COL4A1: variants seen among roughly 807,000 people sequenced by gnomAD.
COL4A1 encodes collagen type IV alpha 1 chain.
A neutral mutation model predicts 216.6 loss-of-function variants in COL4A1; 40 were observed. The ratio of observed to expected loss-of-function variants is 0.18; its 90% CI spans 0.14 to 0.24. The LOEUF (loss-of-function observed/expected upper bound fraction) is 0.24, where lower values mean the gene tolerates loss of function less well. Ranked by LOEUF, COL4A1 falls within the 10% of genes least tolerant of loss-of-function variation. The pLI is 1.00. For missense variants in COL4A1, 1,628 were observed against 2,196.8 expected (o/e 0.74, Z 5.18); for synonymous variants, 839 against 810.7 (o/e 1.03, Z -0.59).
rs532513106 is a variant in COL4A1, at chr13:110,170,520, C to A, written c.3742+27G>T. ...TTGTGAATTCTGTCCCAGTCCTCAG[C>A]CCTGGCCCCTGGCGAGATGCCCTTA... On this transcript the variant is annotated intron_variant, in intron 42 of 51. Coordinates refer to ENST00000375820, the MANE Select transcript of COL4A1 (RefSeq NM_001845.6). 3.2e-6 allele frequency: 5 copies of A among 1,576,194 alleles called. No individual in the cohort carries two copies. The East Asian group carries it at 1.2e-4, about 36-fold the overall frequency.
chr13:110,205,036 G>A (rs1297321050), intron 17 of COL4A1, among the ~76,000 whole-genome samples: 1 of 151,970 alleles, frequency 6.6e-6, no homozygotes, highest in Non-Finnish European at 1.5e-5. Flanking sequence ...TTCTGAACAG[G>A]TAACAGAAAA....
chr13:110,296,212 G>A (rs1008023911), intron 1 of COL4A1, among the ~76,000 whole-genome samples: 1 of 152,216 alleles, frequency 6.6e-6, no homozygotes, highest in Non-Finnish European at 1.5e-5. Flanking sequence ...CCACGGCAAC[G>A]TGCCTTGTTT....
intron 40 of COL4A1, 105 bp from the exon 41 acceptor site, chr13:110,172,875 G>A (rs904713427): frequency 2.2e-6 from 2 of 902,858 alleles, no homozygotes; most frequent in Admixed American, 1.7e-5. Context: ...CGTATATTGT[G>A]GAGTACATAG....
intron 28 of COL4A1, among the ~76,000 whole-genome samples, chr13:110,182,311 G>T (rs545678205): frequency 2.9e-4 from 44 of 152,292 alleles, no homozygotes; most frequent in African/African-American, 1.0e-3. Context: ...TGGAGCCTCT[G>T]GGTAAGAAGC....
intron 1 of COL4A1, chr13:110,265,639 C>T (rs1438673931): frequency 6.6e-6 from 1 of 152,252 alleles, no homozygotes; most frequent in African/African-American, 2.4e-5. Context: ...GCATGCCAGT[C>T]CTGGCTTTCA....
chr13:110,260,943 A>G (rs1319725881), intron 1 of COL4A1, among the ~76,000 whole-genome samples: 1 of 143,868 alleles, frequency 7.0e-6, no homozygotes, highest in East Asian at 2.2e-4. Flanking sequence ...AGGCTGAGGC[A>G]GGAGAATGGC....
chr13:110,299,461 A>C (rs1404747547), intron 1 of COL4A1, among the ~76,000 whole-genome samples: 1 of 152,188 alleles, frequency 6.6e-6, no homozygotes, highest in Non-Finnish European at 1.5e-5. Context: ...TTTGTCTTTA[A>C]TTTAACAGAG....
intron 41 of COL4A1, among the ~76,000 whole-genome samples, 182 bp from the exon 42 acceptor site, chr13:110,170,914 C>T (rs980732246): frequency 6.6e-6 from 1 of 152,202 alleles, no homozygotes; most frequent in Non-Finnish European, 1.5e-5. Flanking sequence ...TTTAATAACA[C>T]ACTAGAATCC....
At chr13:110,176,291 A>G (rs1877882391) in intron 36 of COL4A1, 133 bp downstream of exon 36, 1 of 723,964 alleles carries the variant, frequency 1.4e-6, no homozygotes, top group Admixed American at 2.0e-5. Flanking sequence ...AGAGCTGGGG[A>G]TGTGAATTCA....
intron 1 of COL4A1, among the ~76,000 whole-genome samples, chr13:110,269,506 C>T (rs1197048758): frequency 1.3e-5 from 2 of 152,048 alleles, no homozygotes; most frequent in Non-Finnish European, 2.9e-5. Flanking sequence ...TTACATTTAT[C>T]TTATGTATTT....
At chr13:110,198,732 G>T in intron 20 of COL4A1, 101 bp from the exon 21 acceptor site, 3 of 1,486,218 alleles carry the variant, frequency 2.0e-6, no homozygotes, top group South Asian at 1.1e-5. Flanking sequence ...AATCCAACCA[G>T]ACCATCACTG....
chr13:110,213,291 T>C (rs1879908540), intron 4 of COL4A1, among the ~76,000 whole-genome samples: 1 of 152,118 alleles, frequency 6.6e-6, no homozygotes, highest in African/African-American at 2.4e-5. Context: ...AAAAATAAGT[T>C]TTTAAAAGCT....
At chr13:110,253,751 C>T (rs532873717) in intron 1 of COL4A1, among the ~76,000 whole-genome samples, 1 of 140,988 alleles carries the variant, frequency 7.1e-6, no homozygotes, top group Non-Finnish European at 1.5e-5. Flanking sequence ...ATTACATATA[C>T]ATATAATTAT....
intron 51 of COL4A1, among the ~76,000 whole-genome samples, chr13:110,151,745 C>A (rs918159643): frequency 6.6e-6 from 1 of 152,176 alleles, no homozygotes; most frequent in African/African-American, 2.4e-5. Context: ...GCGTTCCTGG[C>A]CTTCGGGGAC....
intron 24 of COL4A1, among the ~76,000 whole-genome samples, 189 bp downstream of exon 24, chr13:110,192,025 G>A (rs1397073491): frequency 6.6e-6 from 1 of 152,216 alleles, no homozygotes; most frequent in Non-Finnish European, 1.5e-5. Flanking sequence ...GGGCTCTGTG[G>A]GTAACAGTCT....
At chr13:110,220,185 G>A (rs937265298) in intron 2 of COL4A1, among the ~76,000 whole-genome samples, 5 of 151,888 alleles carry the variant, frequency 3.3e-5, no homozygotes, top group East Asian at 1.9e-4. Context: ...TGATTTGTCC[G>A]CCTTGTCCTC....
chr13:110,176,809 T>C, intron 34 of COL4A1, 76 bp downstream of exon 34: 1 of 1,614,010 alleles, frequency 6.2e-7, no homozygotes, highest in Non-Finnish European at 8.5e-7. Flanking sequence ...TTGGTTATTA[T>C]TTATGGAGGA....
chr13:110,271,472 G>A (rs539588343), intron 1 of COL4A1, among the ~76,000 whole-genome samples: 5 of 152,268 alleles, frequency 3.3e-5, no homozygotes, highest in Non-Finnish European at 5.9e-5. Context: ...AGGAGACAAC[G>A]TCAGTTCTGT....
intron 2 of COL4A1, among the ~76,000 whole-genome samples, chr13:110,214,351 A>C (rs1879967624): frequency 6.6e-6 from 1 of 152,112 alleles, no homozygotes; most frequent in South Asian, 2.1e-4. Flanking sequence ...CGGCCACCAA[A>C]AGTGCTGGGA....
Sources: allele counts gnomAD v4.1 joint callset (sites outside exome capture counted in the v4.1 genomes callset), GRCh38; gene constraint gnomAD v4.1.1; transcripts MANE v1.5; gene names NCBI Gene and HGNC (gene_info 2026-07-23, HGNC 2026-07-21).